WNT7A: variants seen among roughly 807,000 people sequenced by gnomAD.
WNT7A encodes the protein Wnt family member 7A.
Under a neutral mutation model 28.2 loss-of-function variants are expected in WNT7A, and 16 were observed. That is an observed-to-expected ratio of 0.57 (90% CI 0.38 to 0.86). The LOEUF (loss-of-function observed/expected upper bound fraction) is 0.86, where lower values mean the gene tolerates loss of function less well. Ranked by LOEUF, WNT7A falls within the 40% of genes least tolerant of loss-of-function variation. WNT7A has a pLI of 0.00. For synonymous variants in WNT7A, 190 were observed against 195.9 expected (o/e 0.97, Z 0.25); for missense variants, 411 against 489.7 (o/e 0.84, Z 1.52).
At chr3:13,873,250 T>C (rs945291137) in intron 2 of WNT7A, among the ~76,000 whole-genome samples, 1 of 151,908 alleles carries the variant, frequency 6.6e-6, no homozygotes, top group Non-Finnish European at 1.5e-5. Flanking sequence ...AAGGCAAAAG[T>C]CTACACAACA....
Position 13,820,030 on chromosome 3 carries a change from C to A in WNT7A, c.571-607G>T, listed in dbSNP as rs143480445. 7.2e-3 allele frequency among the ~76,000 whole-genome samples: 1,099 copies of A among 152,244 alleles called. 22 individuals carry two copies. The highest frequency in any genetic ancestry group is 0.025 in the African/African-American group (1,036 of 41,548). ...TTTAAAAAATTGTTTTTATTTCTTT[C>A]TCTCACTTTTCTTCCTTCCTTCCTC... On this transcript the variant is annotated intron_variant, in intron 3 of 3. Transcript: ENST00000285018.
At chr3:13,875,226 C>T in intron 1 of WNT7A, 53 bp from the exon 2 acceptor site, 1 of 1,595,842 alleles carries the variant, frequency 6.3e-7, no homozygotes. Flanking sequence ...GGGGGCATGG[C>T]CTGGGAACCC....
At chr3:13,853,725 C>T (rs1439232288) in intron 3 of WNT7A, among the ~76,000 whole-genome samples, 3 of 152,252 alleles carry the variant, frequency 2.0e-5, no homozygotes, top group Non-Finnish European at 4.4e-5. Flanking sequence ...ACAGAACACA[C>T]TCCCACGGGA....
rs1361769630 is a variant in WNT7A at position 13,869,689 on chromosome 3, A to AAGAC, written c.298+5257_298+5258insGTCT. Reference sequence around the variant, plus strand: ...AAGGAGGGAGGGAGGGAGGAAGGGAAAGATAGAGAAAGAAGGAGAGAAAGA... The same window carrying AAGAC: ...AAGGAGGGAGGGAGGGAGGAAGGGAAAGACAGATAGAGAAAGAAGGAGAGAAAGA... On this transcript the variant is annotated intron_variant, in intron 2 of 3. Coordinates refer to ENST00000285018, the MANE Select transcript of WNT7A (RefSeq NM_004625.4). 6.6e-4 allele frequency among the ~76,000 whole-genome samples: 52 copies of AAGAC among 79,176 alleles called. No homozygotes were observed. In the South Asian group the frequency reaches 0.023, roughly 36 times the overall value. The allele number at this position is 79,176 out of a possible 152,430, so 51.9% of individuals were successfully genotyped here. A position where few individuals can be genotyped will look rare whatever the true frequency, so the allele number is the denominator to read the frequency against.
intron 3 of WNT7A, among the ~76,000 whole-genome samples, chr3:13,847,014 C>T (rs1694547571): frequency 1.3e-5 from 2 of 152,202 alleles, no homozygotes; most frequent in African/African-American, 4.8e-5. Context: ...TGCCCCTACC[C>T]ATGCGGCCTC....
intron 3 of WNT7A, among the ~76,000 whole-genome samples, chr3:13,846,180 T>C (rs1314585414): frequency 1.3e-5 from 2 of 152,264 alleles, no homozygotes; most frequent in Non-Finnish European, 2.9e-5. Context: ...CACGTGTGCG[T>C]GCCTGGATAA....
intron 2 of WNT7A, among the ~76,000 whole-genome samples, chr3:13,856,960 A>AAGAAGAAGAAGG (rs1559303362): frequency 1.0e-4 from 12 of 117,468 alleles, no homozygotes; most frequent in African/African-American, 4.9e-4. Flanking sequence ...GAAGAAGAAG[A>AAGAAGAAGAAGG]AGAAGAAGGA....
intron 2 of WNT7A, among the ~76,000 whole-genome samples, chr3:13,867,630 C>CAGCCCACTCACCCTGAGG (rs1694932344): frequency 6.6e-6 from 1 of 152,182 alleles, no homozygotes; most frequent in African/African-American, 2.4e-5. Flanking sequence ...AAGCCTCCCA[C>CAGCCCACTCACCCTGAGG]AGCCCACTCA....
At chr3:13,865,638 G>A (rs1694899327) in intron 2 of WNT7A, among the ~76,000 whole-genome samples, 1 of 152,210 alleles carries the variant, frequency 6.6e-6, no homozygotes, top group Non-Finnish European at 1.5e-5. Flanking sequence ...CTGTGCATGA[G>A]GTGCTCCCCA....
At position 13,817,311 on chromosome 3, in the gene WNT7A, A is replaced by G. The variant is rs1413963901; in HGVS notation, c.*1633T>C. Reference sequence around the variant, plus strand: ...TGATCTCCCAGGCACACGGAGAGAAACAGACGCTTGGGTAGCACGGAAACA... The same window carrying G: ...TGATCTCCCAGGCACACGGAGAGAAGCAGACGCTTGGGTAGCACGGAAACA... On this transcript the variant is annotated 3_prime_UTR_variant, in exon 4 of 4. Transcript: ENST00000285018. The G allele has an allele frequency of 3.3e-5, 5 of 152,234 alleles. 1 individual carries two copies. In the East Asian group the frequency reaches 9.6e-4, roughly 29 times the overall value. 9.4% of individuals were successfully genotyped at this position (152,234 alleles called of 1,614,324 possible). A position where few individuals can be genotyped will look rare whatever the true frequency, so the allele number is the denominator to read the frequency against.
At chr3:13,835,365 G>A (rs747800513) in intron 3 of WNT7A, among the ~76,000 whole-genome samples, 14 of 152,234 alleles carry the variant, frequency 9.2e-5, no homozygotes, top group East Asian at 1.9e-4. Flanking sequence ...GGGAAAGCAC[G>A]CAGAAACCAG....
At chr3:13,835,936 G>A (rs536783007) in intron 3 of WNT7A, among the ~76,000 whole-genome samples, 5 of 152,322 alleles carry the variant, frequency 3.3e-5, no homozygotes, top group Admixed American at 2.6e-4. Context: ...AGACCACAGC[G>A]TGTATGCTTC....
chr3:13,863,430 GTGTA>G (rs1280253700), intron 2 of WNT7A, among the ~76,000 whole-genome samples: 15 of 151,956 alleles, frequency 9.9e-5, no homozygotes, highest in Admixed American at 3.3e-4. Context: ...ATGTGTGTGT[GTGTA>G]TGTGTATATG....
chr3:13,856,967 A>AGAAGAAGAAGAAGAAGAT (rs1694753867), intron 2 of WNT7A, among the ~76,000 whole-genome samples: 1 of 121,856 alleles, frequency 8.2e-6, no homozygotes, highest in Non-Finnish European at 1.6e-5. Context: ...AAGAAGAAGA[A>AGAAGAAGAAGAAGAAGAT]GGAGAAGAAG....
chr3:13,860,653 G>A (rs560973204), intron 2 of WNT7A, among the ~76,000 whole-genome samples: 1 of 152,252 alleles, frequency 6.6e-6, no homozygotes, highest in East Asian at 1.9e-4. Flanking sequence ...GAAGAGTTAG[G>A]ATGCAAATCT....
intron 3 of WNT7A, among the ~76,000 whole-genome samples, chr3:13,828,240 G>A (rs1187348678): frequency 1.3e-5 from 2 of 152,202 alleles, no homozygotes; most frequent in East Asian, 1.9e-4. Context: ...AGGGAATGCA[G>A]GGGCCAGAGC....
intron 3 of WNT7A, 118 bp from the exon 4 acceptor site, chr3:13,819,541 T>A (rs2124824244): frequency 7.3e-7 from 1 of 1,377,744 alleles, no homozygotes. Flanking sequence ...TGGCTTTAGT[T>A]TTTTCTTTCT....
At chr3:13,833,381 A>C (rs1396087008) in intron 3 of WNT7A, among the ~76,000 whole-genome samples, 1 of 152,108 alleles carries the variant, frequency 6.6e-6, no homozygotes, top group Non-Finnish European at 1.5e-5. Flanking sequence ...GCACACACAC[A>C]CACCCTCAAA....
At chr3:13,841,777 A>G (rs899326795) in intron 3 of WNT7A, among the ~76,000 whole-genome samples, 10 of 152,224 alleles carry the variant, frequency 6.6e-5, no homozygotes, top group Non-Finnish European at 1.3e-4. Context: ...TTGGCAAAGT[A>G]CCAATATTAT....
Sources: allele counts gnomAD v4.1 joint callset (sites outside exome capture counted in the v4.1 genomes callset), GRCh38; gene constraint gnomAD v4.1.1; transcripts MANE v1.5; gene names NCBI Gene and HGNC (gene_info 2026-07-23, HGNC 2026-07-21).